RGS22: variants seen among roughly 807,000 people sequenced by gnomAD.
RGS22 encodes regulator of G-protein signaling 22.
In RGS22, 148 loss-of-function variants were observed where a neutral mutation model predicts 172.9. The ratio of observed to expected loss-of-function variants is 0.86; its 90% CI spans 0.75 to 0.98. The LOEUF (loss-of-function observed/expected upper bound fraction) is 0.98, where lower values mean the gene tolerates loss of function less well. RGS22 is among the 50% of genes least tolerant of loss of function. RGS22 has a pLI of 0.00. For synonymous variants in RGS22, 458 were observed against 480.2 expected (o/e 0.95, Z 0.60); for missense variants, 1,347 against 1,440.8 (o/e 0.93, Z 1.05).
intron 19 of RGS22, among the ~76,000 whole-genome samples, chr8:99,998,277 C>T (rs1814606645): frequency 6.6e-6 from 1 of 152,190 alleles, no homozygotes; most frequent in South Asian, 2.1e-4. Flanking sequence ...GAAACAAGCA[C>T]ATGTTAATTT....
chr8:100,022,033 G>A lies in RGS22; in HGVS notation c.2167-13464C>T, dbSNP rs1475572924. On this transcript the variant is annotated intron_variant, in intron 14 of 27. Coordinates refer to ENST00000360863, the MANE Select transcript of RGS22 (RefSeq NM_015668.5). ...GGAGGAAAAAATGATGATTTTTAAT[G>A]ACCTCTCATATCCCACTAGGAGCTC... Among the ~76,000 whole-genome samples, 5 of 152,076 alleles carry A rather than the reference G, an allele frequency of 3.3e-5. No homozygotes were observed. The South Asian group carries it at 8.3e-4, about 25-fold the overall frequency.
chr8:100,047,216 C>A (rs562839560), intron 11 of RGS22, among the ~76,000 whole-genome samples: 3 of 152,284 alleles, frequency 2.0e-5, no homozygotes, highest in Admixed American at 2.0e-4. Context: ...AGAGGGCAAT[C>A]TTCTCAGAGA....
intron 6 of RGS22, among the ~76,000 whole-genome samples, chr8:100,068,953 AG>A (rs1810743645): frequency 1.3e-5 from 1 of 78,606 alleles, no homozygotes. Context: ...AAAAAAAGAA[AG>A]AAGAAAAAAT....
intron 23 of RGS22, among the ~76,000 whole-genome samples, chr8:99,969,389 C>T (rs571542403): frequency 5.3e-5 from 8 of 152,106 alleles, no homozygotes; most frequent in Non-Finnish European, 8.8e-5. Context: ...TCACACATAA[C>T]AATATTAACC....
chr8:100,014,462 C>T (rs1293005361), intron 14 of RGS22, among the ~76,000 whole-genome samples: 2 of 152,180 alleles, frequency 1.3e-5, no homozygotes, highest in Non-Finnish European at 2.9e-5. Flanking sequence ...ATGCCAATGA[C>T]AATGAACTCA....
intron 3 of RGS22, chr8:100,093,202 C>A: frequency 2.9e-6 from 1 of 347,502 alleles, no homozygotes; most frequent in Non-Finnish European, 5.3e-6. Context: ...TACAGCTGAA[C>A]CAGAGTTTGT....
intron 3 of RGS22, among the ~76,000 whole-genome samples, chr8:100,084,130 C>A (rs995313755): frequency 1.3e-5 from 2 of 152,178 alleles, no homozygotes; most frequent in South Asian, 4.1e-4. Context: ...AGCCACCACG[C>A]CCGGCCACAT....
chr8:100,097,638 G>C (rs1034739227), intron 2 of RGS22, among the ~76,000 whole-genome samples: 1 of 152,154 alleles, frequency 6.6e-6, no homozygotes, highest in Admixed American at 6.6e-5. Flanking sequence ...GCACGTTATG[G>C]ACAGGCTTCT....
At chr8:100,058,265 G>C (rs1316895287) in intron 9 of RGS22, among the ~76,000 whole-genome samples, 1 of 151,234 alleles carries the variant, frequency 6.6e-6, no homozygotes, top group Non-Finnish European at 1.5e-5. Context: ...AGGTAGAAAA[G>C]AGATAGGGGT....
intron 18 of RGS22, 67 bp downstream of exon 18, chr8:100,002,135 G>T: frequency 7.9e-7 from 1 of 1,273,080 alleles, no homozygotes; most frequent in Non-Finnish European, 1.1e-6. Context: ...TCAGGTTGTT[G>T]GCAAAAATAG....
At chr8:100,056,737 A>G (rs1809651723) in intron 9 of RGS22, among the ~76,000 whole-genome samples, 1 of 152,178 alleles carries the variant, frequency 6.6e-6, no homozygotes, top group Admixed American at 6.5e-5. Context: ...ATTTCAGAGT[A>G]TGTACGGAAA....
intron 1 of RGS22, 103 bp downstream of exon 1, chr8:100,105,794 G>A (rs1321376880): frequency 9.9e-6 from 10 of 1,014,632 alleles, no homozygotes; most frequent in Non-Finnish European, 1.4e-5. Context: ...GTCTGGGAGC[G>A]GGGATACCGC....
At position 100,005,974 on chromosome 8, in the gene RGS22, C is replaced by G. The variant is rs763405069; in HGVS notation, c.2454+43G>C. 22 of 1,486,408 alleles carry G rather than the reference C, an allele frequency of 1.5e-5. No homozygotes were observed. The South Asian group carries it at 2.4e-4, about 16-fold the overall frequency. 92.1% of individuals were successfully genotyped at this position (1,486,408 alleles called of 1,614,324 possible). ...CCCATACATAAAGTGGTAACCCTCT[C>G]CAGGATAAAAAGTTTGTTTTTCTAA... On this transcript the variant is annotated intron_variant, in intron 16 of 27. Coordinates refer to ENST00000360863, the MANE Select transcript of RGS22 (RefSeq NM_015668.5).
At chr8:100,087,368 C>T (rs528474169) in intron 3 of RGS22, among the ~76,000 whole-genome samples, 3 of 152,144 alleles carry the variant, frequency 2.0e-5, no homozygotes, top group South Asian at 2.1e-4. Flanking sequence ...TATTCCAAAA[C>T]GAATTGACCT....
chr8:100,009,439 A>AG (rs1157220833), intron 14 of RGS22, among the ~76,000 whole-genome samples: 2,470 of 151,538 alleles, frequency 0.016, 57 homozygotes, highest in African/African-American at 0.048. Context: ...AAAAAAAAAA[A>AG]AAAAAGAGTG....
intron 10 of RGS22, among the ~76,000 whole-genome samples, chr8:100,049,186 C>T (rs866247602): frequency 6.6e-6 from 1 of 151,924 alleles, no homozygotes; most frequent in South Asian, 2.1e-4. Context: ...TAGCAGAGGG[C>T]GGTATAAAGG....
At chr8:100,081,362 G>GTATATATATATATATATA (rs71274952) in intron 3 of RGS22, among the ~76,000 whole-genome samples, 2 of 143,492 alleles carry the variant, frequency 1.4e-5, no homozygotes, top group East Asian at 2.0e-4. Context: ...GTGCGTGTAT[G>GTATATATATATATATATA]TATATATATA....
At chr8:100,025,042 A>C (rs752137093) in intron 14 of RGS22, among the ~76,000 whole-genome samples, 1 of 141,514 alleles carries the variant, frequency 7.1e-6, no homozygotes, top group Non-Finnish European at 1.6e-5. Context: ...ATAAATGAGG[A>C]TCTTTGGAGA....
intron 13 of RGS22, 49 bp from the exon 14 acceptor site, chr8:100,039,081 T>C (rs775471906): frequency 2.9e-6 from 3 of 1,038,310 alleles, no homozygotes; most frequent in Non-Finnish European, 4.3e-6. Context: ...TTATTAAAAC[T>C]CTTACAAAGC....
Sources: allele counts gnomAD v4.1 joint callset (sites outside exome capture counted in the v4.1 genomes callset), GRCh38; gene constraint gnomAD v4.1.1; transcripts MANE v1.5; gene names NCBI Gene and HGNC (gene_info 2026-07-23, HGNC 2026-07-21).